MARCHF5: variants seen among roughly 807,000 people sequenced by gnomAD.
MARCHF5 encodes the protein E3 ubiquitin-protein ligase MARCHF5.
Under a neutral mutation model 36.5 loss-of-function variants are expected in MARCHF5, and 5 were observed. That is an observed-to-expected ratio of 0.14 (90% CI 0.07 to 0.29). MARCHF5 has a LOEUF of 0.29. Among genes scored for constraint, MARCHF5 ranks in the 10% least tolerant of loss-of-function variants. The pLI, the probability that MARCHF5 is intolerant of heterozygous loss-of-function variation, is 1.00. For synonymous variants in MARCHF5, 103 were observed against 109.9 expected, an observed-to-expected ratio of 0.94 and a Z score of 0.39; for missense variants, 179 against 336.3, an observed-to-expected ratio of 0.53 and a Z score of 3.66.
Position 92,349,742 on chromosome 10 carries a change from A to C in MARCHF5, c.625A>C (p.Ile209Leu). The part of the protein sequence containing the change: ...PLADHVSATR[I>L]LCGALVFPTI... The stretch of plus-strand genomic sequence containing the variant: ...AGCAGATCATGTCTCTGCTACTCGA[A>C]TCTTGTGTGGAGCCCTTGTCTTTCC... The change falls in exon 5 of 6, where the codon ATC becomes CTC. Residue 209 changes from isoleucine to leucine, a missense_variant. By Grantham distance (5) the Ile-to-Leu change is conservative. Coordinates refer to ENST00000358935, the MANE Select transcript of MARCHF5 (RefSeq NM_017824.5). The C allele has an allele frequency of 6.2e-7, 1 of 1,614,094 alleles. No individual in the cohort carries two copies.
intron 2 of MARCHF5, among the ~76,000 whole-genome samples, chr10:92,325,104 G>A (rs913958548): frequency 3.9e-5 from 6 of 152,010 alleles, no homozygotes; most frequent in Non-Finnish European, 5.9e-5. Flanking sequence ...AGGTCGAGGC[G>A]GGGGGATCAT....
intron 2 of MARCHF5, among the ~76,000 whole-genome samples, chr10:92,326,758 G>A (rs1262451200): frequency 6.6e-6 from 1 of 151,040 alleles, no homozygotes; most frequent in Non-Finnish European, 1.5e-5. Context: ...AGAGAAGATG[G>A]AGCAACTGCA....
At chr10:92,299,067 C>A (rs2254667) in intron 1 of MARCHF5, among the ~76,000 whole-genome samples, 1 of 151,806 alleles carries the variant, frequency 6.6e-6, no homozygotes. Context: ...TCCACCAATC[C>A]TACCTTGGCC....
chr10:92,331,282 C>G (rs768923379), intron 2 of MARCHF5, among the ~76,000 whole-genome samples: 1 of 151,900 alleles, frequency 6.6e-6, no homozygotes, highest in Non-Finnish European at 1.5e-5. Context: ...TTGGTTTTAC[C>G]TTGATTCAGT....
intron 2 of MARCHF5, among the ~76,000 whole-genome samples, chr10:92,336,867 A>G (rs1382547297): frequency 6.6e-6 from 1 of 152,226 alleles, no homozygotes; most frequent in Non-Finnish European, 1.5e-5. Flanking sequence ...TCACTGCTGT[A>G]ATCCCAGCAC....
At chr10:92,315,310 A>G (rs1196478468) in intron 2 of MARCHF5, among the ~76,000 whole-genome samples, 1 of 152,272 alleles carries the variant, frequency 6.6e-6, no homozygotes, top group African/African-American at 2.4e-5. Flanking sequence ...TAACACACGT[A>G]GCACGTAATG....
At chr10:92,310,979 A>T (rs1843137904) in intron 1 of MARCHF5, among the ~76,000 whole-genome samples, 156 bp from the exon 2 acceptor site, 1 of 152,212 alleles carries the variant, frequency 6.6e-6, no homozygotes, top group South Asian at 2.1e-4. Flanking sequence ...CTCTAGTGGG[A>T]ATGTATTGGT....
Position 92,291,481 on chromosome 10 carries a change from C to T in MARCHF5, c.-14C>T. On this transcript the variant is annotated 5_prime_UTR_variant, in exon 1 of 6. Coordinates refer to ENST00000358935, the MANE Select transcript of MARCHF5 (RefSeq NM_017824.5). ...GTCCACTGGGGAAGGCCGTGTGCGC[C>T]GGCTCCGCGGAAGATGCCGGACCAA... The T allele has an allele frequency of 6.5e-7, 1 of 1,547,322 alleles. No individual in the cohort carries two copies. The highest frequency in any genetic ancestry group is 8.7e-7 in the Non-Finnish European group (1 of 1,144,514).
intron 2 of MARCHF5, among the ~76,000 whole-genome samples, chr10:92,330,593 A>G (rs1000212448): frequency 1.3e-5 from 2 of 152,078 alleles, no homozygotes; most frequent in Non-Finnish European, 2.9e-5. Context: ...AGAGCTATAT[A>G]CCACAAGTTT....
Position 92,313,053 on chromosome 10 carries a change from G to A in MARCHF5, c.238+1716G>A, listed in dbSNP as rs933489672. Among the ~76,000 whole-genome samples, 2 of 151,920 alleles carry A rather than the reference G, an allele frequency of 1.3e-5. 1 individual carries two copies. Among genetic ancestry groups the A allele is most frequent in the South Asian group, 4.2e-4 (2 of 4,806 alleles). ...GTTCGAGACCAACCCGGCCAATATG[G>A]TGAAACTATGTCTTTACTAAAAATA... On this transcript the variant is annotated intron_variant, in intron 2 of 5. Coordinates refer to ENST00000358935, the MANE Select transcript of MARCHF5 (RefSeq NM_017824.5).
intron 2 of MARCHF5, among the ~76,000 whole-genome samples, chr10:92,325,840 G>T (rs950168336): frequency 2.0e-5 from 3 of 152,050 alleles, no homozygotes; most frequent in African/African-American, 7.2e-5. Flanking sequence ...ACCACACCTG[G>T]CTAATTTTTT....
chr10:92,306,662 G>T (rs1277817427), intron 1 of MARCHF5, among the ~76,000 whole-genome samples: 2 of 152,096 alleles, frequency 1.3e-5, no homozygotes, highest in Non-Finnish European at 2.9e-5. Flanking sequence ...GGAGGGGTAG[G>T]GTATGGAGAA....
chr10:92,324,102 G>T (rs1452451533), intron 2 of MARCHF5, among the ~76,000 whole-genome samples: 3 of 152,104 alleles, frequency 2.0e-5, no homozygotes, highest in African/African-American at 7.2e-5. Flanking sequence ...GATGTATAGA[G>T]GTATCTCATT....
intron 2 of MARCHF5, among the ~76,000 whole-genome samples, chr10:92,325,835 A>G (rs913275321): frequency 2.0e-5 from 3 of 151,966 alleles, no homozygotes; most frequent in Admixed American, 2.0e-4. Flanking sequence ...GCACCACCAC[A>G]CCTGGCTAAT....
In MARCHF5 at chr10:92,343,466, A is replaced by C. The variant is rs1223868268; in HGVS notation, c.369+2663A>C. ...GCCTTATTTTTCCTGTTAGGAGGTA[A>C]TTTCCTTGAAAGCAGAGTCCATTTT... On this transcript the variant is annotated intron_variant, in intron 3 of 5. Coordinates refer to ENST00000358935, the MANE Select transcript of MARCHF5 (RefSeq NM_017824.5). 5.3e-5 allele frequency among the ~76,000 whole-genome samples: 8 copies of C among 152,266 alleles called. No individual in the cohort carries two copies. The East Asian group carries it at 1.5e-3, about 29-fold the overall frequency.
chr10:92,291,325 G>T lies in MARCHF5; in HGVS notation c.-170G>T. The T allele has an allele frequency of 1.5e-6, 1 of 650,876 alleles. No individual in the cohort carries two copies. Among genetic ancestry groups the T allele is most frequent in the Non-Finnish European group, 2.7e-6 (1 of 369,740 alleles). The allele number at this position is 650,876 out of a possible 1,614,324, so 40.3% of individuals were successfully genotyped here. A position where few individuals can be genotyped will look rare whatever the true frequency, so the allele number is the denominator to read the frequency against. On this transcript the variant is annotated 5_prime_UTR_variant, in exon 1 of 6. Transcript: ENST00000358935. Reference sequence around the variant, plus strand: ...CGCCGCCTCCGCCGGACTCCCGCAGGCCCTGCACCGCCGCCGCCAGGCTAG... The same window carrying T: ...CGCCGCCTCCGCCGGACTCCCGCAGTCCCTGCACCGCCGCCGCCAGGCTAG...
At chr10:92,309,349 A>G (rs1187434799) in intron 1 of MARCHF5, among the ~76,000 whole-genome samples, 1 of 152,212 alleles carries the variant, frequency 6.6e-6, no homozygotes. Context: ...TAAGTCAGAA[A>G]CAGATTAATG....
chr10:92,348,940 A>G (rs929081767), intron 3 of MARCHF5, among the ~76,000 whole-genome samples: 4 of 152,244 alleles, frequency 2.6e-5, no homozygotes, highest in African/African-American at 4.8e-5. Context: ...TTGGCTGGCT[A>G]TGCTTAATCT....
chr10:92,304,903 A>G (rs1214955672), intron 1 of MARCHF5, among the ~76,000 whole-genome samples: 1 of 152,174 alleles, frequency 6.6e-6, no homozygotes, highest in Non-Finnish European at 1.5e-5. Flanking sequence ...AGGGGTTTGA[A>G]CCCAGACAAT....
Sources: gnomAD v4.1 joint callset for allele counts (sites outside exome capture counted in the v4.1 genomes callset) on GRCh38, gnomAD v4.1.1 for gene constraint, MANE v1.5 for transcripts, NCBI Gene and HGNC (gene_info 2026-07-23, HGNC 2026-07-21) for gene names.